The following TTC7B variants were observed in gnomAD, a reference collection of about 807,000 sequenced individuals.
TTC7B encodes tetratricopeptide repeat protein 7B.
TTC7B carries 28 observed loss-of-function variants against 106.8 expected under a neutral mutation model. The observed-to-expected ratio is 0.26, with a 90% CI of 0.19 to 0.36. The LOEUF is 0.36. Ranked by LOEUF, TTC7B falls within the 10% of genes least tolerant of loss-of-function variation. TTC7B has a pLI of 1.00. For missense variants in TTC7B, 862 were observed against 1,076.4 expected, an observed-to-expected ratio of 0.80 and a Z score of 2.79; for synonymous variants, 405 against 430.6, an observed-to-expected ratio of 0.94 and a Z score of 0.74.
At chr14:90,665,841 C>T (rs1241554695) in intron 9 of TTC7B, among the ~76,000 whole-genome samples, 1 of 152,224 alleles carries the variant, frequency 6.6e-6, no homozygotes, top group Non-Finnish European at 1.5e-5. Context: ...CTTCACGAGT[C>T]AGTTAATCAA....
rs1027821045 is a variant in TTC7B, at chr14:90,807,187, C to T, written c.121+8988G>A. 1.3e-5 allele frequency among the ~76,000 whole-genome samples: 2 copies of T among 152,264 alleles called. No individual in the cohort carries two copies. The highest frequency in any genetic ancestry group is 6.5e-5 in the Admixed American group (1 of 15,284). On this transcript the variant is annotated intron_variant, in intron 1 of 19. Coordinates refer to ENST00000328459, the MANE Select transcript of TTC7B (RefSeq NM_001010854.2). The surrounding 1 kb of genome is among the most constrained non-coding windows in gnomAD (Gnocchi z 4.1). ...AACCAGGACGAGTTGGTCACCCTCA[C>T]GCCACCACCCTGCCCAAGATCCTCC...
In TTC7B at chr14:90,577,761, C is replaced by A. The variant is rs1381957148; in HGVS notation, c.2310+345G>T. On this transcript the variant is annotated intron_variant, in intron 19 of 19. Coordinates refer to ENST00000328459, the MANE Select transcript of TTC7B (RefSeq NM_001010854.2). The surrounding 1 kb of genome is among the most constrained non-coding windows in gnomAD (Gnocchi z 5.0). ...AACCCCCGAAGGTGGCTACTGCAAG[C>A]AGCACAGAGGCTGAGATGACAGTGA... Among the ~76,000 whole-genome samples the A allele has an allele frequency of 6.6e-6, 1 of 152,244 alleles. No homozygotes were observed. Among genetic ancestry groups the A allele is most frequent in the Non-Finnish European group, 1.5e-5 (1 of 68,042 alleles).
intron 5 of TTC7B, among the ~76,000 whole-genome samples, chr14:90,721,362 G>C (rs973835316): frequency 6.6e-6 from 1 of 152,142 alleles, no homozygotes; most frequent in South Asian, 2.1e-4. Context: ...GAAAAGAGGG[G>C]TTTCGGAATT....
chr14:90,529,723 G>A lies in TTC7B; in HGVS notation c.*11645C>T, dbSNP rs1403877504. ...AGGATTAGATGAGTTAATACATGTC[G>A]AATGATTGGTGCATAATAAATGCTC... is the stretch of plus-strand genomic sequence containing the variant. On this transcript the variant is annotated 3_prime_UTR_variant, in exon 20 of 20. Coordinates refer to ENST00000328459, the MANE Select transcript of TTC7B (RefSeq NM_001010854.2). The A allele has an allele frequency of 6.6e-6, 1 of 152,160 alleles. No homozygotes were observed. The highest frequency in any genetic ancestry group is 1.5e-5 in the Non-Finnish European group (1 of 68,020). 9.4% of individuals were successfully genotyped at this position (152,160 alleles called of 1,614,324 possible). A position where few individuals can be genotyped will look rare whatever the true frequency, so the allele number is the denominator to read the frequency against.
chr14:90,795,840 T>C (rs943704), intron 1 of TTC7B, among the ~76,000 whole-genome samples: 13,790 of 152,168 alleles, frequency 0.091, 701 homozygotes, highest in East Asian at 0.16. Flanking sequence ...GAATGCTGTG[T>C]GAGTCATTAA....
At chr14:90,614,287 T>C (rs1892980784) in intron 16 of TTC7B, among the ~76,000 whole-genome samples, 1 of 152,184 alleles carries the variant, frequency 6.6e-6, no homozygotes. Context: ...GCTTCAAAGA[T>C]AGAATGAGGA....
Position 90,730,146 on chromosome 14 carries a change from G to A in TTC7B, c.627C>T (p.Pro209=). ...GGAAAAAACCTAGTTCTTGATCGTG[G>A]GGAGCAGGGCCAGGCTTAGGGCTTC... ...QNRSPKPGPA[P]HDQELGFFLE... The change falls in exon 5 of 20, where the codon CCC becomes CCT. Residue 209 remains proline, a synonymous_variant. Coordinates refer to ENST00000328459, the MANE Select transcript of TTC7B (RefSeq NM_001010854.2). 6.2e-7 allele frequency: 1 copy of A among 1,613,832 alleles called. No individual in the cohort carries two copies. Among genetic ancestry groups the A allele is most frequent in the Non-Finnish European group, 8.5e-7 (1 of 1,179,918 alleles).
At position 90,663,804 on chromosome 14, in the gene TTC7B, C is replaced by T. The variant is rs1886301963; in HGVS notation, c.1153-5417G>A. 6.6e-6 allele frequency among the ~76,000 whole-genome samples: 1 copy of T among 152,198 alleles called. No homozygotes were observed. Among genetic ancestry groups the T allele is most frequent in the Non-Finnish European group, 1.5e-5 (1 of 68,038 alleles). On this transcript the variant is annotated intron_variant, in intron 9 of 19. Transcript: ENST00000328459. This position sits in a 1 kb window ranked among gnomAD's most constrained non-coding sequence, Gnocchi z 4.5. Reference sequence around the variant, plus strand: ...CCACCCCAATTCAGAGGTGTGTGAGCTCTGGCATCACAGCCGATGGCGCTG... The same window carrying T: ...CCACCCCAATTCAGAGGTGTGTGAGTTCTGGCATCACAGCCGATGGCGCTG...
chr14:90,591,730 C>T (rs2139819888), intron 18 of TTC7B, among the ~76,000 whole-genome samples: 2 of 152,352 alleles, frequency 1.3e-5, no homozygotes, highest in South Asian at 4.1e-4. Flanking sequence ...GTTTACCTGG[C>T]CTGGACACTA....
intron 5 of TTC7B, among the ~76,000 whole-genome samples, chr14:90,722,810 G>A (rs1288296276): frequency 3.3e-5 from 5 of 152,254 alleles, no homozygotes; most frequent in East Asian, 1.9e-4. Context: ...ACAGGTTCCC[G>A]TTTTGGCTTT....
chr14:90,769,031 C>A (rs986670015), intron 3 of TTC7B, among the ~76,000 whole-genome samples: 1 of 152,004 alleles, frequency 6.6e-6, no homozygotes, highest in African/African-American at 2.4e-5. Context: ...TTTGTGACAT[C>A]GGTAACAGAA....
At position 90,532,855 on chromosome 14, in the gene TTC7B, A is replaced by G. The variant is rs574674321; in HGVS notation, c.*8513T>C. Reference sequence around the variant, plus strand: ...AAGCCTCCATGGGCTTGGGGAGGTCATTTTCCTGGTAGCTGTGCCTTCCTG... The same window carrying G: ...AAGCCTCCATGGGCTTGGGGAGGTCGTTTTCCTGGTAGCTGTGCCTTCCTG... On this transcript the variant is annotated 3_prime_UTR_variant, in exon 20 of 20. Coordinates refer to ENST00000328459, the MANE Select transcript of TTC7B (RefSeq NM_001010854.2). The G allele has an allele frequency of 6.6e-6, 1 of 152,088 alleles. No homozygotes were observed. Among genetic ancestry groups the G allele is most frequent in the African/African-American group, 2.4e-5 (1 of 41,486 alleles). 9.4% of individuals were successfully genotyped at this position (152,088 alleles called of 1,614,324 possible). A position where few individuals can be genotyped will look rare whatever the true frequency, so the allele number is the denominator to read the frequency against.
intron 4 of TTC7B, 147 bp downstream of exon 4, chr14:90,744,645 C>T: frequency 1.2e-6 from 1 of 837,020 alleles, no homozygotes; most frequent in Non-Finnish European, 1.9e-6. Flanking sequence ...CAATCACTAC[C>T]ACACTCTCCT....
intron 9 of TTC7B, among the ~76,000 whole-genome samples, chr14:90,673,077 A>G (rs1886693938): frequency 6.6e-6 from 1 of 152,194 alleles, no homozygotes; most frequent in Non-Finnish European, 1.5e-5. Context: ...AGCCTGTGAC[A>G]CACTATGTTG....
In TTC7B at chr14:90,570,637, T is replaced by C. The variant is rs1890995186; in HGVS notation, c.2310+7469A>G. On this transcript the variant is annotated intron_variant, in intron 19 of 19. Transcript: ENST00000328459. This position sits in a 1 kb window ranked among gnomAD's most constrained non-coding sequence, Gnocchi z 4.0. ...GGCTCCTCCAACCAGTGAAAGTCAG[T>C]CACGCTGGTGCAGAAAGGGAAGCTC... is the stretch of plus-strand genomic sequence containing the variant. Among the ~76,000 whole-genome samples the C allele has an allele frequency of 6.6e-6, 1 of 151,466 alleles. No individual in the cohort carries two copies. The highest frequency in any genetic ancestry group is 2.1e-4 in the South Asian group (1 of 4,798).
At chr14:90,653,250 A>G (rs932748164) in intron 12 of TTC7B, among the ~76,000 whole-genome samples, 2 of 152,220 alleles carry the variant, frequency 1.3e-5, no homozygotes, top group African/African-American at 4.8e-5. Context: ...ACTCAGGGGA[A>G]CGACAAGCTC....
intron 5 of TTC7B, among the ~76,000 whole-genome samples, chr14:90,713,547 T>C (rs1029474235): frequency 9.4e-4 from 143 of 152,276 alleles, no homozygotes; most frequent in African/African-American, 3.2e-3. Context: ...TTCAAAAAAC[T>C]GACAATGCCA....
chr14:90,766,489 T>A, intron 3 of TTC7B: 2 of 672,138 alleles, frequency 3.0e-6, no homozygotes, highest in Non-Finnish European at 5.4e-6. Context: ...CAATAAGAAA[T>A]TCTGGACAGG....
chr14:90,662,601 C>T (rs1886253988), intron 9 of TTC7B, among the ~76,000 whole-genome samples: 1 of 152,118 alleles, frequency 6.6e-6, no homozygotes, highest in Admixed American at 6.5e-5. Flanking sequence ...TCAAGGTGCA[C>T]AACAGATTGG....
Sources: allele counts gnomAD v4.1 joint callset (sites outside exome capture counted in the v4.1 genomes callset), GRCh38; gene constraint gnomAD v4.1.1; non-coding constraint Gnocchi (gnomAD v3.1); transcripts MANE v1.5; gene names NCBI Gene and HGNC (gene_info 2026-07-23, HGNC 2026-07-21).